EPB41L4A: variants seen among roughly 807,000 people sequenced by gnomAD.
EPB41L4A encodes band 4.1-like protein 4A.
EPB41L4A carries 100 observed loss-of-function variants against 108.6 expected under a neutral mutation model. The observed-to-expected ratio is 0.92, with a 90% CI of 0.78 to 1.09. The LOEUF (loss-of-function observed/expected upper bound fraction) is 1.09, where lower values mean the gene tolerates loss of function less well. EPB41L4A is among the 50% of genes least tolerant of loss of function. The pLI, the probability that EPB41L4A is intolerant of heterozygous loss-of-function variation, is 0.00. For synonymous variants in EPB41L4A, 319 were observed against 289.0 expected (o/e 1.10, Z -1.05); for missense variants, 1,030 against 842.7 (o/e 1.22, Z -2.75).
At chr5:112,350,588 G>A (rs961993041) in intron 1 of EPB41L4A, among the ~76,000 whole-genome samples, 7 of 152,130 alleles carry the variant, frequency 4.6e-5, no homozygotes, top group Non-Finnish European at 1.0e-4. Flanking sequence ...CCATCCAACT[G>A]CATGTTTGTA....
chr5:112,418,591 T>G (rs1348582314), intron 1 of EPB41L4A, among the ~76,000 whole-genome samples: 2 of 152,110 alleles, frequency 1.3e-5, no homozygotes, highest in Non-Finnish European at 2.9e-5. Flanking sequence ...CCTTCCACAC[T>G]GGTGGGACGC....
chr5:112,285,333 G>T (rs908925347), intron 2 of EPB41L4A, among the ~76,000 whole-genome samples: 2 of 152,280 alleles, frequency 1.3e-5, no homozygotes, highest in Non-Finnish European at 2.9e-5. Context: ...GAGCCACAAA[G>T]ATCTCAAAAG....
chr5:112,252,210 C>T (rs1331469763), intron 9 of EPB41L4A, among the ~76,000 whole-genome samples: 1 of 152,098 alleles, frequency 6.6e-6, no homozygotes, highest in Non-Finnish European at 1.5e-5. Flanking sequence ...TATGTGTATG[C>T]TTATATGCAC....
chr5:112,406,168 C>A (rs775446248), intron 1 of EPB41L4A, among the ~76,000 whole-genome samples: 18 of 152,222 alleles, frequency 1.2e-4, no homozygotes, highest in African/African-American at 1.7e-4. Context: ...TTGTAAACAG[C>A]AGCAGAAGCA....
At chr5:112,243,864 TG>T (rs1327591298) in intron 9 of EPB41L4A, among the ~76,000 whole-genome samples, 3 of 152,252 alleles carry the variant, frequency 2.0e-5, no homozygotes, top group Non-Finnish European at 2.9e-5. Context: ...TGCAGCTTGT[TG>T]GATCTTCTAT....
At chr5:112,161,325 C>G (rs140438114), downstream of EPB41L4A, 80 of 366,230 alleles carry the variant, frequency 2.2e-4, no homozygotes, top group African/African-American at 1.5e-3. Context: ...CAAGACCAGT[C>G]GCCATTTAAA....
intron 17 of EPB41L4A, among the ~76,000 whole-genome samples, chr5:112,188,679 G>A (rs559686555): frequency 1.1e-4 from 16 of 152,184 alleles, no homozygotes; most frequent in African/African-American, 3.1e-4. Context: ...AGCTTTGTAC[G>A]AACTCTTCTC....
At chr5:112,225,912 T>C (rs1343015830) in intron 12 of EPB41L4A, among the ~76,000 whole-genome samples, 2 of 152,238 alleles carry the variant, frequency 1.3e-5, no homozygotes, top group African/African-American at 2.4e-5. Flanking sequence ...CTTTCTCACC[T>C]AAACATTGAG....
At chr5:112,234,081 G>A (rs910595578) in intron 12 of EPB41L4A, among the ~76,000 whole-genome samples, 1 of 151,828 alleles carries the variant, frequency 6.6e-6, no homozygotes. Context: ...CACTTTGGGA[G>A]GCTGAAGAGA....
At chr5:112,217,116 T>C (rs1363235378) in intron 12 of EPB41L4A, among the ~76,000 whole-genome samples, 1 of 152,036 alleles carries the variant, frequency 6.6e-6, no homozygotes, top group Non-Finnish European at 1.5e-5. Flanking sequence ...AGCTAATTTT[T>C]GTATTTTAGT....
intron 1 of EPB41L4A, among the ~76,000 whole-genome samples, chr5:112,356,525 A>G (rs997691277): frequency 1.3e-5 from 2 of 152,256 alleles, no homozygotes; most frequent in African/African-American, 2.4e-5. Flanking sequence ...ACTATGCTAG[A>G]AAGTGCTTTA....
At chr5:112,385,216 A>G (rs1220297111) in intron 1 of EPB41L4A, among the ~76,000 whole-genome samples, 1 of 152,176 alleles carries the variant, frequency 6.6e-6, no homozygotes, top group African/African-American at 2.4e-5. Flanking sequence ...TGCTTCCAGG[A>G]AAAATGCTCC....
intron 12 of EPB41L4A, among the ~76,000 whole-genome samples, chr5:112,211,896 G>C (rs1762763032): frequency 6.6e-6 from 1 of 152,192 alleles, no homozygotes; most frequent in Non-Finnish European, 1.5e-5. Flanking sequence ...GAAATGAAAA[G>C]GTGAGCCTGA....
chr5:112,206,311 A>T (rs6876893), intron 13 of EPB41L4A, among the ~76,000 whole-genome samples: 5 of 151,414 alleles, frequency 3.3e-5, no homozygotes, highest in African/African-American at 9.7e-5. Flanking sequence ...AGGGTCATAG[A>T]GGAGTACTTT....
intron 1 of EPB41L4A, among the ~76,000 whole-genome samples, chr5:112,394,305 A>T (rs1247675540): frequency 2.0e-5 from 3 of 152,134 alleles, no homozygotes; most frequent in Admixed American, 1.3e-4. Context: ...AAATTGTGCC[A>T]GTTTGCAGAT....
intron 4 of EPB41L4A, among the ~76,000 whole-genome samples, chr5:112,270,084 T>G (rs188886879): frequency 6.6e-6 from 1 of 152,242 alleles, no homozygotes; most frequent in East Asian, 1.9e-4. Flanking sequence ...ATTTAGCAAT[T>G]AGAGGCAAGA....
intron 22 of EPB41L4A, 87 bp from the exon 23 acceptor site, chr5:112,165,205 T>A (rs1554071168): frequency 3.0e-6 from 3 of 994,672 alleles, no homozygotes; most frequent in Non-Finnish European, 4.5e-6. Flanking sequence ...AAGCTGCTCT[T>A]AAATTTAAGA....
chr5:112,222,883 C>T (rs963441710), intron 12 of EPB41L4A, among the ~76,000 whole-genome samples: 1 of 152,060 alleles, frequency 6.6e-6, no homozygotes, highest in African/African-American at 2.4e-5. Context: ...GCTCCAAAGA[C>T]CAGCACAGTG....
At chr5:112,242,057 T>C (rs1749828268) in intron 9 of EPB41L4A, among the ~76,000 whole-genome samples, 1 of 152,220 alleles carries the variant, frequency 6.6e-6, no homozygotes, top group Non-Finnish European at 1.5e-5. Flanking sequence ...TGTTGATGGC[T>C]ACTGACTGAC....
Sources: gnomAD v4.1 joint callset for allele counts (sites outside exome capture counted in the v4.1 genomes callset) on GRCh38, gnomAD v4.1.1 for gene constraint, MANE v1.5 for transcripts, NCBI Gene and HGNC (gene_info 2026-07-23, HGNC 2026-07-21) for gene names.